NTSR1: variants seen among roughly 807,000 people sequenced by gnomAD.
NTSR1 encodes neurotensin receptor 1.
NTSR1 carries 29 observed loss-of-function variants against 31.2 expected under a neutral mutation model. That is an observed-to-expected ratio of 0.93 (90% confidence interval 0.69 to 1.27). The LOEUF is 1.27. Among genes scored for constraint, NTSR1 ranks in the 50% most tolerant of loss-of-function variants. NTSR1 has a pLI of 0.00. For missense variants in NTSR1, 697 were observed against 595.4 expected (o/e 1.17, Z -1.78); for synonymous variants, 282 against 269.9 (o/e 1.04, Z -0.44).
intron 1 of NTSR1, among the ~76,000 whole-genome samples, chr20:62,746,465 C>T (rs1289432710): frequency 6.6e-6 from 1 of 152,096 alleles, no homozygotes; most frequent in South Asian, 2.1e-4. Flanking sequence ...ACGGCAGGGG[C>T]TCCTATGGCT....
rs968727576 is a variant in NTSR1 at position 62,743,554 on chromosome 20, C to T, written c.715-11131C>T. Among the ~76,000 whole-genome samples, 4 of 152,198 alleles carry T rather than the reference C, an allele frequency of 2.6e-5. No homozygotes were observed. The highest frequency in any genetic ancestry group is 2.6e-4 in the Admixed American group (4 of 15,282). ...ATCCCCTGCCAGCCCAGCAAGGCCA[C>T]CCCAGCGGTCACCCCCTTGGGAGGG... On this transcript the variant is annotated intron_variant, in intron 1 of 3. Coordinates refer to ENST00000370501, the MANE Select transcript of NTSR1 (RefSeq NM_002531.3). The surrounding 1 kb of genome is among the most constrained non-coding windows in gnomAD (Gnocchi z 7.5).
In NTSR1 at chr20:62,761,329, G is replaced by A. The variant is rs45621736; in HGVS notation, c.*1062G>A. ...ACTCAGGCTTCAGGTGAGAAGGAGC[G>A]GTGTGTCCAGGCACCGCTGGCCGGC... On this transcript the variant is annotated 3_prime_UTR_variant, in exon 4 of 4. Coordinates refer to ENST00000370501, the MANE Select transcript of NTSR1 (RefSeq NM_002531.3). 0.049 allele frequency: 7,466 copies of A among 152,344 alleles called. 218 individuals carry two copies. Among genetic ancestry groups the A allele is most frequent in the South Asian group, 0.078 (377 of 4,832 alleles). The allele number at this position is 152,344 out of a possible 1,614,324, so 9.4% of individuals were successfully genotyped here.
In NTSR1 at chr20:62,743,938, C is replaced by T. The variant is rs1989249463; in HGVS notation, c.715-10747C>T. Among the ~76,000 whole-genome samples, 1 of 152,208 alleles carries T rather than the reference C, an allele frequency of 6.6e-6. No individual in the cohort carries two copies. The highest frequency in any genetic ancestry group is 1.5e-5 in the Non-Finnish European group (1 of 68,034). ...ATACCGTGTGCACCCCTCCCGCTCC[C>T]CACCTGGTCTCCACGGCCAAGCTCA... On this transcript the variant is annotated intron_variant, in intron 1 of 3. Transcript: ENST00000370501. This position sits in a 1 kb window ranked among gnomAD's most constrained non-coding sequence, Gnocchi z 7.5.
In NTSR1 at chr20:62,743,800, A is replaced by AAGAGC. The variant is rs1277011363; in HGVS notation, c.715-10884_715-10880dup. 6.6e-6 allele frequency among the ~76,000 whole-genome samples: 1 copy of AAGAGC among 152,040 alleles called. No homozygotes were observed. The highest frequency in any genetic ancestry group is 1.5e-5 in the Non-Finnish European group (1 of 68,022). ...AATACAAAACAAGCAATTGCTCTCGAAGAGCGAGGTGAGAACGCCCTGCCT... is the reference window on the plus strand; with the variant it reads ...AATACAAAACAAGCAATTGCTCTCGAAGAGCAGAGCGAGGTGAGAACGCCCTGCCT... On this transcript the variant is annotated intron_variant, in intron 1 of 3. Coordinates refer to ENST00000370501, the MANE Select transcript of NTSR1 (RefSeq NM_002531.3). The surrounding 1 kb of genome is among the most constrained non-coding windows in gnomAD (Gnocchi z 7.5).
At position 62,758,138 on chromosome 20, in the gene NTSR1, T is replaced by A; in HGVS notation, c.917-128T>A. On this transcript the variant is annotated intron_variant, in intron 2 of 3. Transcript: ENST00000370501. This position sits in a 1 kb window ranked among gnomAD's most constrained non-coding sequence, Gnocchi z 4.5. ...GGTGCAGTGGGTCTCTGAGCCCACG[T>A]CTCTGTGCCTCAGGTGCAGTGGGTC... The A allele has an allele frequency of 1.1e-6, 1 of 896,464 alleles. No homozygotes were observed. Among genetic ancestry groups the A allele is most frequent in the African/African-American group, 1.8e-5 (1 of 55,390 alleles). 55.5% of individuals were successfully genotyped at this position (896,464 alleles called of 1,614,324 possible). A position where few individuals can be genotyped will look rare whatever the true frequency, so the allele number is the denominator to read the frequency against.
intron 1 of NTSR1, among the ~76,000 whole-genome samples, chr20:62,712,094 A>C (rs1600716643): frequency 6.6e-6 from 1 of 152,316 alleles, no homozygotes; most frequent in African/African-American, 2.4e-5. Flanking sequence ...CAGGGCCCCG[A>C]TGCCAGCTGC....
At chr20:62,740,808 G>A (rs1423023726) in intron 1 of NTSR1, among the ~76,000 whole-genome samples, 2 of 152,254 alleles carry the variant, frequency 1.3e-5, no homozygotes, top group Non-Finnish European at 2.9e-5. Context: ...ATGCCTTGTG[G>A]GTGTGAGCAT....
In NTSR1 at chr20:62,723,710, C is replaced by G. The variant is rs1047325981; in HGVS notation, c.714+13789C>G. On this transcript the variant is annotated intron_variant, in intron 1 of 3. Coordinates refer to ENST00000370501, the MANE Select transcript of NTSR1 (RefSeq NM_002531.3). Reference sequence around the variant, plus strand: ...AGTGGGGACAGAGGTCTTTCCAGCCCAGGGACCTCCTCAGACACAGCAGCC... The same window carrying G: ...AGTGGGGACAGAGGTCTTTCCAGCCGAGGGACCTCCTCAGACACAGCAGCC... 2.0e-5 allele frequency among the ~76,000 whole-genome samples: 3 copies of G among 152,184 alleles called. No homozygotes were observed. The East Asian group carries it at 5.8e-4, about 29-fold the overall frequency.
chr20:62,719,119 C>A (rs1241024954), intron 1 of NTSR1, among the ~76,000 whole-genome samples: 5 of 72,358 alleles, frequency 6.9e-5, no homozygotes, highest in East Asian at 8.2e-4. Context: ...CTTTTTTTTT[C>A]TTTCAAAAAA....
At chr20:62,754,986 T>C in intron 2 of NTSR1, 100 bp downstream of exon 2, 1 of 1,214,178 alleles carries the variant, frequency 8.2e-7, no homozygotes, top group Non-Finnish European at 1.1e-6. Context: ...TTTAAAGACA[T>C]AGGGATGGAG....
intron 1 of NTSR1, among the ~76,000 whole-genome samples, chr20:62,720,456 C>T (rs935902512): frequency 1.3e-5 from 2 of 152,108 alleles, no homozygotes; most frequent in Non-Finnish European, 2.9e-5. Flanking sequence ...TGTCATCATC[C>T]TTTTAATGTC....
chr20:62,760,271 G>T lies in NTSR1; in HGVS notation c.*4G>T, dbSNP rs376745440. The T allele has an allele frequency of 1.2e-6, 2 of 1,600,622 alleles. No individual in the cohort carries two copies. The highest frequency in any genetic ancestry group is 3.3e-5 in the Admixed American group (2 of 59,764). On this transcript the variant is annotated 3_prime_UTR_variant, in exon 4 of 4. Coordinates refer to ENST00000370501, the MANE Select transcript of NTSR1 (RefSeq NM_002531.3). ...CACCCGCGAGACGCTGTACTAGGCTGTGCGCCCCGGAACGTGTCCAGGAGG... is the reference window on the plus strand; with the variant it reads ...CACCCGCGAGACGCTGTACTAGGCTTTGCGCCCCGGAACGTGTCCAGGAGG...
In NTSR1 at chr20:62,709,091, C is replaced by A; in HGVS notation, c.-117C>A. ...ACTGGACGGCGCGCCCGCTGGTCTT[C>A]GCCACGCGCCCTCCCCTGGGCTCCC... On this transcript the variant is annotated 5_prime_UTR_variant, in exon 1 of 4. Coordinates refer to ENST00000370501, the MANE Select transcript of NTSR1 (RefSeq NM_002531.3). 2 of 842,776 alleles carry A rather than the reference C, an allele frequency of 2.4e-6. No individual in the cohort carries two copies. Among genetic ancestry groups the A allele is most frequent in the Non-Finnish European group, 3.3e-6 (2 of 602,786 alleles). 52.2% of individuals were successfully genotyped at this position (842,776 alleles called of 1,614,324 possible).
At chr20:62,754,152 CT>C (rs1989439541) in intron 1 of NTSR1, among the ~76,000 whole-genome samples, 1 of 152,078 alleles carries the variant, frequency 6.6e-6, no homozygotes, top group Non-Finnish European at 1.5e-5. Context: ...CCTTTCAATG[CT>C]CTGAGAGGTA....
At chr20:62,726,336 C>T (rs940918924) in intron 1 of NTSR1, among the ~76,000 whole-genome samples, 1 of 152,228 alleles carries the variant, frequency 6.6e-6, no homozygotes, top group South Asian at 2.1e-4. Flanking sequence ...GGAACTGCTG[C>T]GACTATTTGT....
chr20:62,751,859 C>T (rs999487973), intron 1 of NTSR1, among the ~76,000 whole-genome samples: 1 of 152,180 alleles, frequency 6.6e-6, no homozygotes, highest in Non-Finnish European at 1.5e-5. Context: ...CCTGGGTGGC[C>T]AGTCTTCTCC....
At chr20:62,746,390 T>TG in intron 1 of NTSR1, among the ~76,000 whole-genome samples, 1 of 152,334 alleles carries the variant, frequency 6.6e-6, no homozygotes, top group East Asian at 1.9e-4. Context: ...TAGCTCTTAT[T>TG]GGCCCTGAAG....
chr20:62,737,185 G>A (rs2427436), intron 1 of NTSR1, among the ~76,000 whole-genome samples: 114,563 of 151,916 alleles, frequency 0.75, 45,627 homozygotes, highest in Non-Finnish European at 0.89. Flanking sequence ...TCGTGAGGAC[G>A]GGGCCAACCC....
In NTSR1 at chr20:62,744,370, T is replaced by C. The variant is rs966317771; in HGVS notation, c.715-10315T>C. Among the ~76,000 whole-genome samples, 39 of 152,038 alleles carry C rather than the reference T, an allele frequency of 2.6e-4. No individual in the cohort carries two copies. Among genetic ancestry groups the C allele is most frequent in the Non-Finnish European group, 2.9e-4 (20 of 68,008 alleles). ...GAGATCGAGACCATCCTGGCTAACA[T>C]GGTGAAACCCTGTCTCTACTAAAAA... On this transcript the variant is annotated intron_variant, in intron 1 of 3. Transcript: ENST00000370501. The surrounding 1 kb of genome is among the most constrained non-coding windows in gnomAD (Gnocchi z 4.1).
Sources: gnomAD v4.1 joint callset for allele counts (sites outside exome capture counted in the v4.1 genomes callset) on GRCh38, gnomAD v4.1.1 for gene constraint, Gnocchi (gnomAD v3.1) non-coding constraint, MANE v1.5 for transcripts, NCBI Gene and HGNC (gene_info 2026-07-23, HGNC 2026-07-21) for gene names.